Variants in HEATR4 observed in about 807,000 individuals in gnomAD.
The protein encoded by HEATR4 is HEAT repeat containing 4.
HEATR4 carries 95 observed loss-of-function variants against 108.8 expected under a neutral mutation model. The ratio of observed to expected loss-of-function variants is 0.87; its 90% CI spans 0.74 to 1.04. HEATR4 has a LOEUF of 1.04. HEATR4 is among the 50% of genes least tolerant of loss of function. The probability of loss-of-function intolerance (pLI) is 0.00; values close to 1 mark genes in which losing one functional copy is unlikely to be tolerated. For synonymous variants in HEATR4, 443 were observed against 459.4 expected (o/e 0.96, Z 0.46); for missense variants, 1,152 against 1,253.8 (o/e 0.92, Z 1.23).
the HEATR4 span, among the ~76,000 whole-genome samples, chr14:73,603,065 G>A: frequency 2.1e-5 from 3 of 142,402 alleles, no homozygotes; most frequent in Non-Finnish European, 3.1e-5. Flanking sequence ...ATGTTACAAT[G>A]ATGACTCTTA....
At chr14:73,530,794 A>ATTTTT (rs59208614) in intron 1 of HEATR4, among the ~76,000 whole-genome samples, 52 of 57,764 alleles carry the variant, frequency 9.0e-4, no homozygotes, top group East Asian at 3.5e-3. Flanking sequence ...TCTCGGTTAA[A>ATTTTT]TTTTTTTTTT....
chr14:73,494,508 C>T (rs1385244818), intron 16 of HEATR4, among the ~76,000 whole-genome samples: 1 of 152,114 alleles, frequency 6.6e-6, no homozygotes, highest in Non-Finnish European at 1.5e-5. Flanking sequence ...AATGATAGTT[C>T]TCCCTCCAAC....
intron 17 of HEATR4, among the ~76,000 whole-genome samples, chr14:73,487,779 G>T (rs536456271): frequency 6.6e-6 from 1 of 152,310 alleles, no homozygotes; most frequent in African/African-American, 2.4e-5. Flanking sequence ...TTGAGATGAA[G>T]GAGATGGTAG....
At chr14:73,579,653 G>A in the HEATR4 span, among the ~76,000 whole-genome samples, 1 of 151,034 alleles carries the variant, frequency 6.6e-6, no homozygotes, top group East Asian at 1.9e-4. Context: ...CTGGGCTCAG[G>A]CAATCTTCCC....
chr14:73,559,366 G>A (rs967381468), upstream of HEATR4, among the ~76,000 whole-genome samples: 11 of 151,714 alleles, frequency 7.3e-5, no homozygotes, highest in African/African-American at 2.2e-4. Flanking sequence ...TGATGTGTCC[G>A]CCTTGGCCTC....
At chr14:73,506,827 T>TTTTTTTTTTTTTG (rs1886887990) in intron 9 of HEATR4, among the ~76,000 whole-genome samples, 2 of 122,896 alleles carry the variant, frequency 1.6e-5, no homozygotes, top group African/African-American at 6.6e-5. Flanking sequence ...TTTTTTTTTC[T>TTTTTTTTTTTTTG]GAGAAGGTTG....
At chr14:73,591,972 C>A in the HEATR4 span, 1 of 1,395,938 alleles carries the variant, frequency 7.2e-7, no homozygotes, top group South Asian at 1.7e-5. Context: ...GTCAGCAACG[C>A]TGATCCTGGA....
rs1311973019 is a variant in HEATR4, at chr14:73,558,896, C to G, written c.-297G>C. On this transcript the variant is annotated 5_prime_UTR_variant, in exon 1 of 18. The change abolishes the stop of an existing upstream ORF in the 5' untranslated region. Transcript: ENST00000553558. ...AAATGGCCTCCTAAAAGGCAGTCCT[C>G]AGAGAGAAGCAAGGTTCTGCATCTT... 6.6e-6 allele frequency: 1 copy of G among 151,458 alleles called. No individual in the cohort carries two copies. The highest frequency in any genetic ancestry group is 1.5e-5 in the Non-Finnish European group (1 of 67,862). 9.4% of individuals were successfully genotyped at this position (151,458 alleles called of 1,614,324 possible).
At chr14:73,616,461 G>A in the HEATR4 span, among the ~76,000 whole-genome samples, 2 of 152,090 alleles carry the variant, frequency 1.3e-5, no homozygotes, top group African/African-American at 4.8e-5. Context: ...GGGAGGCCAA[G>A]GTGGGCAGAT....
At chr14:73,589,791 G>A in the HEATR4 span, among the ~76,000 whole-genome samples, 2 of 152,182 alleles carry the variant, frequency 1.3e-5, no homozygotes, top group African/African-American at 4.8e-5. Flanking sequence ...AAGGCAGCGT[G>A]TCTGGAGATT....
chr14:73,488,651 C>T (rs902479697), intron 17 of HEATR4, among the ~76,000 whole-genome samples: 4 of 152,100 alleles, frequency 2.6e-5, no homozygotes, highest in Admixed American at 2.0e-4. Flanking sequence ...GCCAATTAAA[C>T]CTCTTTTCTT....
the HEATR4 span, among the ~76,000 whole-genome samples, chr14:73,602,224 CCACTG>C: frequency 6.6e-6 from 1 of 152,164 alleles, no homozygotes; most frequent in Non-Finnish European, 1.5e-5. Context: ...CAGGCATGAG[CCACTG>C]CACCTGGCCT....
chr14:73,630,067 G>T, the HEATR4 span, among the ~76,000 whole-genome samples: 189 of 151,700 alleles, frequency 1.2e-3, 1 homozygote, highest in African/African-American at 4.2e-3. Flanking sequence ...AAAAAAAAAA[G>T]AAATATGATT....
At chr14:73,612,834 A>G in the HEATR4 span, 3 of 1,425,546 alleles carry the variant, frequency 2.1e-6, no homozygotes, top group Admixed American at 2.5e-5. Flanking sequence ...GAGCCCGAGA[A>G]AGCCTTGGTG....
At chr14:73,491,965 A>G in intron 17 of HEATR4, 3 of 1,613,956 alleles carry the variant, frequency 1.9e-6, no homozygotes, top group Non-Finnish European at 2.5e-6. Context: ...CTGTGCTTCA[A>G]GAGCAGTTTG....
the HEATR4 span, chr14:73,574,221 A>G: frequency 8.2e-5 from 13 of 158,204 alleles, no homozygotes; most frequent in Non-Finnish European, 1.7e-4. Context: ...TCCTGCTAGT[A>G]AAGAGATTCG....
At chr14:73,619,609 G>A in the HEATR4 span, 1 of 1,614,150 alleles carries the variant, frequency 6.2e-7, no homozygotes. Context: ...ACAAGCTCAT[G>A]GGAAAGAAAG....
intron 10 of HEATR4, among the ~76,000 whole-genome samples, chr14:73,506,164 C>T (rs1349620135): frequency 6.6e-6 from 1 of 152,156 alleles, no homozygotes. Flanking sequence ...GCTGGGATTA[C>T]AGATGTGAGC....
intron 8 of HEATR4, among the ~76,000 whole-genome samples, chr14:73,508,609 C>T (rs546851161): frequency 9.7e-4 from 148 of 151,920 alleles, no homozygotes; most frequent in African/African-American, 3.4e-3. Flanking sequence ...ATCAGCCAGG[C>T]GTGGTGGCAT....
Sources: gnomAD v4.1 joint callset for allele counts (sites outside exome capture counted in the v4.1 genomes callset) on GRCh38, gnomAD v4.1.1 for gene constraint, MANE v1.5 for transcripts, NCBI Gene and HGNC (gene_info 2026-07-23, HGNC 2026-07-21) for gene names.